FAM167A: variants seen among roughly 807,000 people sequenced by gnomAD.
The protein encoded by FAM167A is family with sequence similarity 167 member A.
A neutral mutation model predicts 14.9 loss-of-function variants in FAM167A; 23 were observed. The ratio of observed to expected loss-of-function variants is 1.55; its 90% CI spans 1.11 to 2.19. The LOEUF (loss-of-function observed/expected upper bound fraction) is 2.19. FAM167A is among the 30% of genes most tolerant of loss of function. FAM167A has a pLI of 0.00. For missense variants in FAM167A, 401 were observed against 281.5 expected (o/e 1.42, Z -3.04); for synonymous variants, 174 against 117.7 (o/e 1.48, Z -3.10).
intron 1 of FAM167A, among the ~76,000 whole-genome samples, chr8:11,472,639 G>A (rs1330105804): frequency 1.3e-5 from 2 of 152,094 alleles, no homozygotes; most frequent in African/African-American, 2.4e-5. Flanking sequence ...CCTTCTAGAC[G>A]TGATTCTAAG....
At chr8:11,427,232 G>A (rs990086722) in intron 2 of FAM167A, among the ~76,000 whole-genome samples, 1 of 152,144 alleles carries the variant, frequency 6.6e-6, no homozygotes, top group Non-Finnish European at 1.5e-5. Flanking sequence ...CACTCCTGAG[G>A]TACCAGCAGG....
At chr8:11,454,692 G>A (rs1807158946) in intron 1 of FAM167A, among the ~76,000 whole-genome samples, 1 of 152,246 alleles carries the variant, frequency 6.6e-6, no homozygotes, top group Admixed American at 6.5e-5. Flanking sequence ...TAAGAGGTTA[G>A]GAGGTCTGGG....
At chr8:11,427,924 T>C (rs1805297901) in intron 2 of FAM167A, among the ~76,000 whole-genome samples, 1 of 152,226 alleles carries the variant, frequency 6.6e-6, no homozygotes, top group Non-Finnish European at 1.5e-5. Context: ...TCATTTGTTT[T>C]GTAATGGTGT....
upstream of FAM167A, among the ~76,000 whole-genome samples, chr8:11,467,957 T>C (rs892686174): frequency 1.1e-4 from 17 of 152,194 alleles, no homozygotes; most frequent in Non-Finnish European, 1.3e-4. Context: ...ACAGCCTTGA[T>C]CCAGATCTTC....
chr8:11,424,511 G>C lies in FAM167A; in HGVS notation c.507C>G (p.Tyr169Ter), dbSNP rs149662282. The C allele has an allele frequency of 1.2e-6, 2 of 1,614,192 alleles. No individual in the cohort carries two copies. Among genetic ancestry groups the C allele is most frequent in the Admixed American group, 1.7e-5 (1 of 60,032 alleles). ...LHRRMLNDAT[Y>*]ELEERDELAD... Reference sequence around the variant, plus strand: ...CCAGCTCATCCCGCTCCTCCAGCTCGTAGGTGGCATCGTTGAGCATCCTCC... The same window carrying C: ...CCAGCTCATCCCGCTCCTCCAGCTCCTAGGTGGCATCGTTGAGCATCCTCC... The change falls in exon 3 of 3, where the codon TAC (tyrosine) becomes TAG (stop). Residue 169 changes from tyrosine (Y) to a stop codon, truncating the protein, a stop_gained. Transcript: ENST00000284486. LOFTEE classifies it high-confidence loss of function.
intron 2 of FAM167A, among the ~76,000 whole-genome samples, chr8:11,428,515 C>A (rs911850288): frequency 6.6e-6 from 1 of 152,228 alleles, no homozygotes; most frequent in African/African-American, 2.4e-5. Context: ...TCCGGCCGGT[C>A]TCCCTGCTTG....
intron 1 of FAM167A, among the ~76,000 whole-genome samples, chr8:11,466,346 T>A (rs945093088): frequency 5.9e-5 from 9 of 152,264 alleles, no homozygotes; most frequent in Admixed American, 4.6e-4. Flanking sequence ...CCACCCAGAA[T>A]CCGAGCCCGG....
At chr8:11,436,552 C>T (rs1335583291) in intron 2 of FAM167A, among the ~76,000 whole-genome samples, 2 of 152,186 alleles carry the variant, frequency 1.3e-5, no homozygotes, top group African/African-American at 4.8e-5. Flanking sequence ...GGGCTGTCTC[C>T]CTGCTCCGAC....
chr8:11,451,373 CT>C (rs1480824418), intron 1 of FAM167A, among the ~76,000 whole-genome samples: 1 of 148,790 alleles, frequency 6.7e-6, no homozygotes, highest in East Asian at 1.9e-4. Flanking sequence ...TACCTTCCGC[CT>C]TTTTTGCTTC....
chr8:11,467,057 G>A (rs1183958604), upstream of FAM167A, among the ~76,000 whole-genome samples: 1 of 152,198 alleles, frequency 6.6e-6, no homozygotes, highest in Non-Finnish European at 1.5e-5. Context: ...ACGTGACTGC[G>A]CCACTGTCAG....
chr8:11,448,308 T>A (rs747257378), intron 1 of FAM167A, among the ~76,000 whole-genome samples: 10 of 151,654 alleles, frequency 6.6e-5, no homozygotes, highest in Non-Finnish European at 1.0e-4. Flanking sequence ...CTGGGGATAA[T>A]AACATCTACC....
chr8:11,434,811 C>CT lies in FAM167A; in HGVS notation c.381+9219dup, dbSNP rs1046446177. 38 of 346,120 alleles carry CT rather than the reference C, an allele frequency of 1.1e-4. 1 individual carries two copies. Among genetic ancestry groups the CT allele is most frequent in the South Asian group, 8.3e-4 (37 of 44,844 alleles). 21.4% of individuals were successfully genotyped at this position (346,120 alleles called of 1,614,324 possible). A position where few individuals can be genotyped will look rare whatever the true frequency, so the allele number is the denominator to read the frequency against. Reference sequence around the variant, plus strand: ...TACACAGAGAGAGGATGCTGATCACCTTCCTCCCCTCCCATCAGATTGCAT... The same window carrying CT: ...TACACAGAGAGAGGATGCTGATCACCTTTCCTCCCCTCCCATCAGATTGCAT... On this transcript the variant is annotated intron_variant, in intron 2 of 2. Coordinates refer to ENST00000284486, the MANE Select transcript of FAM167A (RefSeq NM_053279.3).
chr8:11,440,141 T>G (rs1806341632), intron 2 of FAM167A, among the ~76,000 whole-genome samples: 1 of 152,062 alleles, frequency 6.6e-6, no homozygotes, highest in Non-Finnish European at 1.5e-5. Flanking sequence ...CAACGGCCAC[T>G]CCCCTGAGCC....
intron 1 of FAM167A, among the ~76,000 whole-genome samples, chr8:11,452,383 C>G (rs552298478): frequency 6.6e-6 from 1 of 152,356 alleles, no homozygotes; most frequent in African/African-American, 2.4e-5. Flanking sequence ...AGCCGGACAT[C>G]AGGGCAAACA....
At chr8:11,465,396 T>TA (rs1807722018) in intron 1 of FAM167A, among the ~76,000 whole-genome samples, 1 of 152,106 alleles carries the variant, frequency 6.6e-6, no homozygotes, top group South Asian at 2.1e-4. Context: ...CTCAATTTCT[T>TA]AGAGTCCCAT....
intron 1 of FAM167A, among the ~76,000 whole-genome samples, chr8:11,455,471 G>C (rs1286578818): frequency 6.7e-6 from 1 of 148,764 alleles, no homozygotes; most frequent in Non-Finnish European, 1.5e-5. Flanking sequence ...GTATGTGTGA[G>C]TGTGGGGAGT....
chr8:11,442,415 G>A (rs545810018), intron 2 of FAM167A, among the ~76,000 whole-genome samples: 1 of 152,316 alleles, frequency 6.6e-6, no homozygotes, highest in South Asian at 2.1e-4. Flanking sequence ...CCAGAGTGAG[G>A]AGACTAAAGG....
chr8:11,428,604 G>A (rs995319575), intron 2 of FAM167A, among the ~76,000 whole-genome samples: 9 of 152,344 alleles, frequency 5.9e-5, no homozygotes, highest in South Asian at 4.1e-4. Context: ...ATCTCACAGC[G>A]TGAGCATCTC....
At chr8:11,435,151 A>G (rs931438747) in intron 2 of FAM167A, 5 of 455,772 alleles carry the variant, frequency 1.1e-5, no homozygotes, top group Non-Finnish European at 2.2e-5. Flanking sequence ...CTCCTCTCCC[A>G]CTCTGATGCC....
Sources: gnomAD v4.1 joint callset for allele counts (sites outside exome capture counted in the v4.1 genomes callset) on GRCh38, gnomAD v4.1.1 for gene constraint, MANE v1.5 for transcripts, NCBI Gene and HGNC (gene_info 2026-07-23, HGNC 2026-07-21) for gene names.